The following ARHGEF10 variants were observed in gnomAD, a reference collection of about 807,000 sequenced individuals.
ARHGEF10 encodes Rho guanine nucleotide exchange factor (GEF) 10.
ARHGEF10 carries 140 observed loss-of-function variants against 147.4 expected under a neutral mutation model. The ratio of observed to expected loss-of-function variants is 0.95; its 90% CI spans 0.83 to 1.09. The LOEUF (loss-of-function observed/expected upper bound fraction) is 1.09, where lower values mean the gene tolerates loss of function less well. Ranked by LOEUF, ARHGEF10 falls within the 50% of genes least tolerant of loss-of-function variation. The probability of loss-of-function intolerance (pLI) is 0.00; values close to 1 mark genes in which losing one functional copy is unlikely to be tolerated. For synonymous variants in ARHGEF10, 902 were observed against 695.8 expected (o/e 1.30, Z -4.67); for missense variants, 2,222 against 1,752.7 (o/e 1.27, Z -4.78).
intron 15 of ARHGEF10, among the ~76,000 whole-genome samples, chr8:1,901,346 C>T (rs773941883): frequency 6.6e-5 from 10 of 152,140 alleles, no homozygotes; most frequent in South Asian, 6.2e-4. Flanking sequence ...GTCTTGCCTG[C>T]GTTCTTCCTG....
In ARHGEF10 at chr8:1,958,068, A is replaced by T. The variant is rs374576585; in HGVS notation, c.*805A>T. The T allele has an allele frequency of 2.6e-5, 4 of 152,202 alleles. No homozygotes were observed. The highest frequency in any genetic ancestry group is 9.7e-5 in the African/African-American group (4 of 41,440). 9.4% of individuals were successfully genotyped at this position (152,202 alleles called of 1,614,324 possible). A position where few individuals can be genotyped will look rare whatever the true frequency, so the allele number is the denominator to read the frequency against. ...ATAGAGTGACTATCCACAGGAGAAA[A>T]GTGTGTGCTTTAGTATTAGAGGAGA... On this transcript the variant is annotated 3_prime_UTR_variant, in exon 29 of 29. Transcript: ENST00000349830.
chr8:1,876,837 T>G, intron 8 of ARHGEF10, 103 bp downstream of exon 8: 1 of 1,323,390 alleles, frequency 7.6e-7, no homozygotes, highest in Non-Finnish European at 1.1e-6. Flanking sequence ...AGTGATTTGT[T>G]AAGATGCTGA....
At chr8:1,903,563 GC>G in intron 16 of ARHGEF10, 112 bp downstream of exon 16, 1 of 1,410,034 alleles carries the variant, frequency 7.1e-7, no homozygotes, top group South Asian at 1.2e-5. Context: ...AATTCCCTTC[GC>G]CCAGAGTTCT....
At chr8:1,845,281 G>C (rs909932663) in intron 2 of ARHGEF10, among the ~76,000 whole-genome samples, 2 of 150,122 alleles carry the variant, frequency 1.3e-5, no homozygotes, top group African/African-American at 5.0e-5. Flanking sequence ...TTGGGCGGCT[G>C]TCCCTCCAGG....
chr8:1,920,076 G>T (rs1241766783), intron 18 of ARHGEF10, among the ~76,000 whole-genome samples: 1 of 151,896 alleles, frequency 6.6e-6, no homozygotes. Context: ...TGTTCTGTGG[G>T]TGATGGAGCT....
chr8:1,924,343 G>A lies in ARHGEF10; in HGVS notation c.2488+469G>A, dbSNP rs1812525581. The stretch of plus-strand genomic sequence containing the variant: ...AGATCAACCCTGTGGTTTTACTGTA[G>A]ATGGATGTGACTTTATGATTTCCTT... On this transcript the variant is annotated intron_variant, in intron 21 of 28. Transcript: ENST00000349830. Among the ~76,000 whole-genome samples, 10 of 152,310 alleles carry A rather than the reference G, an allele frequency of 6.6e-5. No individual in the cohort carries two copies. In the South Asian group the frequency reaches 2.1e-3, roughly 32 times the overall value.
At chr8:1,886,091 G>C (rs1234359389) in intron 11 of ARHGEF10, among the ~76,000 whole-genome samples, 2 of 152,176 alleles carry the variant, frequency 1.3e-5, no homozygotes, top group Admixed American at 6.5e-5. Flanking sequence ...AGCTACCTGA[G>C]ACTGAGATGA....
At chr8:1,874,603 G>T (rs561711306) in intron 7 of ARHGEF10, among the ~76,000 whole-genome samples, 1 of 152,226 alleles carries the variant, frequency 6.6e-6, no homozygotes, top group African/African-American at 2.4e-5. Flanking sequence ...ACATACCGGG[G>T]TGTGTAGCGG....
intron 12 of ARHGEF10, 35 bp downstream of exon 12, chr8:1,893,681 T>G (rs749368113): frequency 1.0e-5 from 14 of 1,401,532 alleles, no homozygotes; most frequent in Non-Finnish European, 1.4e-5. Context: ...TACATACATT[T>G]CTATTATTCT....
intron 7 of ARHGEF10, chr8:1,869,750 G>A (rs1240910694): frequency 4.6e-6 from 1 of 216,952 alleles, no homozygotes. Context: ...CAGGCCCAGG[G>A]TGAATCTCCC....
rs1383877644 is a variant in ARHGEF10 at position 1,868,358 on chromosome 8, G to A, written c.623-836G>A. Among the ~76,000 whole-genome samples the A allele has an allele frequency of 2.6e-5, 4 of 152,300 alleles. No individual in the cohort carries two copies. The East Asian group carries it at 7.7e-4, about 29-fold the overall frequency. On this transcript the variant is annotated intron_variant, in intron 6 of 28. Transcript: ENST00000349830. ...CTGTATGTTTTTGATGCAGTCATAT[G>A]TCATAGTTTGGACGTTCTCTTGCAG... is the stretch of plus-strand genomic sequence containing the variant.
chr8:1,854,329 G>GCCCGGCGTGGGCACAGCTGTGGGCA, intron 2 of ARHGEF10, among the ~76,000 whole-genome samples: 1 of 152,308 alleles, frequency 6.6e-6, no homozygotes, highest in South Asian at 2.1e-4. Flanking sequence ...TGTCCTGGGC[G>GCCCGGCGTGGGCACAGCTGTGGGCA]CCCGCCGTGG....
intron 1 of ARHGEF10, among the ~76,000 whole-genome samples, chr8:1,836,573 G>C (rs1190598474): frequency 6.6e-6 from 1 of 152,170 alleles, no homozygotes; most frequent in African/African-American, 2.4e-5. Flanking sequence ...GGAGGTTCTA[G>C]GGACACAGAT....
rs538542441 is a variant in ARHGEF10 at position 1,849,600 on chromosome 8, C to A, written c.37+6164C>A. 2.9e-4 allele frequency among the ~76,000 whole-genome samples: 32 copies of A among 112,060 alleles called. 2 individuals carry two copies. The highest frequency in any genetic ancestry group is 1.2e-3 in the African/African-American group (32 of 27,448). The allele number at this position is 112,060 out of a possible 152,430, so 73.5% of individuals were successfully genotyped here. On this transcript the variant is annotated intron_variant, in intron 2 of 28. Transcript: ENST00000349830. Reference sequence around the variant, plus strand: ...GTGGGGCCAGCTGCGTGGACACAGACGGCAAATGCTGAGGAGGGCGTGGGG... The same window carrying A: ...GTGGGGCCAGCTGCGTGGACACAGAAGGCAAATGCTGAGGAGGGCGTGGGG...
intron 4 of ARHGEF10, 26 bp downstream of exon 4, chr8:1,860,210 C>A: frequency 6.2e-7 from 1 of 1,605,758 alleles, no homozygotes; most frequent in South Asian, 1.1e-5. Flanking sequence ...TCTCCACGCC[C>A]CCGAAGTGGC....
At position 1,876,423 on chromosome 8, in the gene ARHGEF10, C is replaced by G. The variant is rs57180537; in HGVS notation, c.680-148C>G. On this transcript the variant is annotated intron_variant, in intron 7 of 28. Transcript: ENST00000349830. The stretch of plus-strand genomic sequence containing the variant: ...GCGCTGCACGGTGCCTTCCATGGAG[C>G]AAGCCCGGGGCTCCGCAGGGTCCTC... 10,026 of 839,182 alleles carry G rather than the reference C, an allele frequency of 0.012. 681 individuals carry two copies. In the African/African-American group the frequency reaches 0.15, roughly 12 times the overall value. 52.0% of individuals were successfully genotyped at this position (839,182 alleles called of 1,614,324 possible).
intron 26 of ARHGEF10, among the ~76,000 whole-genome samples, chr8:1,940,631 C>T (rs1814011031): frequency 6.6e-6 from 1 of 152,208 alleles, no homozygotes. Context: ...ACTTCCTACT[C>T]ATTCTGCAGT....
intron 26 of ARHGEF10, among the ~76,000 whole-genome samples, chr8:1,941,102 A>C (rs1428156977): frequency 6.6e-6 from 1 of 152,262 alleles, no homozygotes; most frequent in African/African-American, 2.4e-5. Flanking sequence ...TCACAGTAGT[A>C]CCGGAGGATC....
At chr8:1,850,499 G>GC (rs1245505705) in intron 2 of ARHGEF10, among the ~76,000 whole-genome samples, 9 of 151,262 alleles carry the variant, frequency 5.9e-5, no homozygotes, top group Non-Finnish European at 1.0e-4. Flanking sequence ...GACGGCATGG[G>GC]CCACCCGCGT....
Sources: gnomAD v4.1 joint callset for allele counts (sites outside exome capture counted in the v4.1 genomes callset) on GRCh38, gnomAD v4.1.1 for gene constraint, MANE v1.5 for transcripts, NCBI Gene and HGNC (gene_info 2026-07-23, HGNC 2026-07-21) for gene names.